NAV2: variants seen among roughly 807,000 people sequenced by gnomAD.
NAV2 encodes helicase, APC down-regulated 1.
In NAV2, 54 loss-of-function variants were observed where a neutral mutation model predicts 223.2. That is an observed-to-expected ratio of 0.24 (90% confidence interval 0.19 to 0.30). The LOEUF (loss-of-function observed/expected upper bound fraction) is 0.30. Among genes scored for constraint, NAV2 ranks in the 10% least tolerant of loss-of-function variants. The probability of loss-of-function intolerance (pLI) is 1.00; values close to 1 mark genes in which losing one functional copy is unlikely to be tolerated. For synonymous variants in NAV2, 1,279 were observed against 1,239.3 expected, an observed-to-expected ratio of 1.03 and a Z score of -0.67; for missense variants, 2,806 against 3,147.5, an observed-to-expected ratio of 0.89 and a Z score of 2.60.
At chr11:19,385,753 C>CTTTTTTTTTTTTTTTTTTTTTTTTTTTTT (rs201669772) in intron 1 of NAV2, among the ~76,000 whole-genome samples, 1 of 112,768 alleles carries the variant, frequency 8.9e-6, no homozygotes, top group African/African-American at 3.8e-5. Flanking sequence ...AATATAGCTC[C>CTTTTTTTTTTTTTTTTTTTTTTTTTTTTT]TTTTTTTTTT....
intron 1 of NAV2, among the ~76,000 whole-genome samples, chr11:19,425,492 TA>T (rs1850790832): frequency 6.6e-6 from 1 of 152,226 alleles, no homozygotes; most frequent in African/African-American, 2.4e-5. Context: ...TGGCTTGTCT[TA>T]CATGCGTGGG....
At chr11:19,441,830 C>A (rs1254709911) in intron 1 of NAV2, among the ~76,000 whole-genome samples, 1 of 152,204 alleles carries the variant, frequency 6.6e-6, no homozygotes, top group African/African-American at 2.4e-5. Context: ...ACCCTTCTGT[C>A]AGCCGCTGGC....
intron 1 of NAV2, among the ~76,000 whole-genome samples, chr11:19,685,144 C>T (rs1253437626): frequency 6.6e-6 from 1 of 152,222 alleles, no homozygotes; most frequent in Non-Finnish European, 1.5e-5. Context: ...CAGCGAATCC[C>T]AGACCTTCCC....
intron 8 of NAV2, among the ~76,000 whole-genome samples, chr11:19,942,547 A>G (rs1428418848): frequency 1.3e-5 from 2 of 152,186 alleles, no homozygotes; most frequent in East Asian, 3.9e-4. Context: ...TTAAATATTT[A>G]TCTGTGGATA....
At chr11:19,712,580 C>G (rs1408251197), upstream of NAV2, 4 of 152,228 alleles carry the variant, frequency 2.6e-5, no homozygotes, top group African/African-American at 9.6e-5. Flanking sequence ...GGGCATTTTT[C>G]AAAAGAAGGG....
At chr11:20,037,222 C>A (rs12792313) in intron 12 of NAV2, among the ~76,000 whole-genome samples, 2 of 151,748 alleles carry the variant, frequency 1.3e-5, no homozygotes, top group African/African-American at 2.4e-5. Context: ...CTCAGAGCAA[C>A]CTTGCGGGGA....
At chr11:19,653,919 T>G (rs766337293) in intron 1 of NAV2, among the ~76,000 whole-genome samples, 50 of 152,178 alleles carry the variant, frequency 3.3e-4, no homozygotes, top group South Asian at 1.7e-3. Flanking sequence ...TCAGACAGGA[T>G]AGAATCTTAG....
In NAV2 at chr11:19,713,751, A is replaced by T; in HGVS notation, c.56A>T (p.His19Leu). 1 of 1,611,646 alleles carries T rather than the reference A, an allele frequency of 6.2e-7. No individual in the cohort carries two copies. Among genetic ancestry groups the T allele is most frequent in the South Asian group, 1.1e-5 (1 of 90,894 alleles). ...AAGTCGGGACTGCCCAAACCCGTGC[A>T]CAGCGCCGCGCCCATCCTGCACGTG... is the stretch of plus-strand genomic sequence containing the variant. ...KMKSGLPKPV[H>L]SAAPILHVPP... The change falls in exon 1 of 38, where the codon CAC becomes CTC. Residue 19 changes from histidine to leucine, a missense_variant. Transcript: ENST00000349880. The surrounding 1 kb of genome is among the most constrained non-coding windows in gnomAD (Gnocchi z 7.2).
intron 19 of NAV2, among the ~76,000 whole-genome samples, chr11:20,061,568 CAAA>C (rs34084582): frequency 4.2e-5 from 4 of 94,782 alleles, no homozygotes. Context: ...AACTCCATCT[CAAA>C]AAAAAAAAAA....
At chr11:19,896,059 C>T (rs2041959159) in intron 6 of NAV2, among the ~76,000 whole-genome samples, 1 of 152,090 alleles carries the variant, frequency 6.6e-6, no homozygotes, top group Non-Finnish European at 1.5e-5. Flanking sequence ...GATGTAATCC[C>T]ATCACCCCTG....
At chr11:19,371,520 A>G (rs1468727179) in intron 1 of NAV2, among the ~76,000 whole-genome samples, 2 of 152,228 alleles carry the variant, frequency 1.3e-5, no homozygotes, top group Non-Finnish European at 2.9e-5. Flanking sequence ...AGTGCTTACC[A>G]GGGATTGTGC....
chr11:20,048,585 A>G, intron 14 of NAV2, 143 bp from the exon 15 acceptor site: 1 of 684,642 alleles, frequency 1.5e-6, no homozygotes, highest in Non-Finnish European at 2.5e-6. Flanking sequence ...CTTTCCCTGA[A>G]GTACCGTTAG....
chr11:19,754,176 T>C (rs2054062060), intron 1 of NAV2, among the ~76,000 whole-genome samples: 1 of 152,222 alleles, frequency 6.6e-6, no homozygotes, highest in Non-Finnish European at 1.5e-5. Context: ...TTCAATGCCC[T>C]TCCTCCCAAC....
intron 22 of NAV2, among the ~76,000 whole-genome samples, chr11:20,073,953 G>C (rs1235879699): frequency 6.6e-6 from 1 of 152,090 alleles, no homozygotes; most frequent in Non-Finnish European, 1.5e-5. Flanking sequence ...TCTGATCTTA[G>C]TTATTTCTTG....
At chr11:19,844,509 A>G (rs911839868) in intron 3 of NAV2, among the ~76,000 whole-genome samples, 4 of 152,176 alleles carry the variant, frequency 2.6e-5, no homozygotes, top group Non-Finnish European at 4.4e-5. Context: ...ATTTTGGAAT[A>G]TTTACATTAT....
chr11:19,714,470 C>A, intron 1 of NAV2: 1 of 456,520 alleles, frequency 2.2e-6, no homozygotes, highest in Non-Finnish European at 4.4e-6. Flanking sequence ...CTGCTCTTCC[C>A]TTGGCTTGAA....
chr11:19,662,230 C>G (rs2048303268), intron 1 of NAV2, among the ~76,000 whole-genome samples: 1 of 152,088 alleles, frequency 6.6e-6, no homozygotes, highest in African/African-American at 2.4e-5. Flanking sequence ...TCTAGTTTAC[C>G]TACCATCAAA....
chr11:19,603,918 T>G (rs977402101), intron 1 of NAV2, among the ~76,000 whole-genome samples: 1 of 151,902 alleles, frequency 6.6e-6, no homozygotes, highest in Admixed American at 6.6e-5. Context: ...GCTATAAGGG[T>G]TCTGAGGGAA....
intron 1 of NAV2, among the ~76,000 whole-genome samples, chr11:19,559,233 C>A (rs993688577): frequency 2.0e-5 from 3 of 152,198 alleles, no homozygotes; most frequent in Non-Finnish European, 4.4e-5. Context: ...GACTGAGGTG[C>A]CTCGGCTACA....
Sources: allele counts gnomAD v4.1 joint callset (sites outside exome capture counted in the v4.1 genomes callset), GRCh38; gene constraint gnomAD v4.1.1; non-coding constraint Gnocchi (gnomAD v3.1); transcripts MANE v1.5; gene names NCBI Gene and HGNC (gene_info 2026-07-23, HGNC 2026-07-21).